Variants in NRXN3 observed in about 807,000 individuals in gnomAD.
The protein encoded by NRXN3 is neurexin III.
NRXN3 carries 32 observed loss-of-function variants against 137.6 expected under a neutral mutation model. That is an observed-to-expected ratio of 0.23 (90% CI 0.18 to 0.31). NRXN3 has a LOEUF of 0.31. Among genes scored for constraint, NRXN3 ranks in the 10% least tolerant of loss-of-function variants. NRXN3 has a pLI of 1.00. For missense variants in NRXN3, 1,574 were observed against 2,062.5 expected (o/e 0.76, Z 4.59); for synonymous variants, 798 against 784.5 (o/e 1.02, Z -0.29).
intron 15 of NRXN3, among the ~76,000 whole-genome samples, chr14:79,360,352 A>C (rs985023719): frequency 1.3e-5 from 2 of 152,182 alleles, no homozygotes; most frequent in Non-Finnish European, 2.9e-5. Flanking sequence ...TGGTCCGCCT[A>C]CCTTGGCCTC....
At chr14:78,955,218 C>T (rs1405719910) in intron 10 of NRXN3, among the ~76,000 whole-genome samples, 2 of 152,114 alleles carry the variant, frequency 1.3e-5, no homozygotes, top group African/African-American at 4.8e-5. Context: ...AGGATAAAAA[C>T]ATAAAAAAAC....
chr14:79,448,621 G>C (rs536543881), intron 15 of NRXN3, among the ~76,000 whole-genome samples: 1 of 152,138 alleles, frequency 6.6e-6, no homozygotes, highest in African/African-American at 2.4e-5. Flanking sequence ...AGTGTGTGTA[G>C]CCATCCATAC....
intron 15 of NRXN3, among the ~76,000 whole-genome samples, chr14:79,022,086 TTTA>T (rs1046822231): frequency 2.6e-5 from 4 of 152,216 alleles, no homozygotes; most frequent in Non-Finnish European, 5.9e-5. Flanking sequence ...TTTTTCTTCT[TTTA>T]TTACTATAGG....
intron 15 of NRXN3, among the ~76,000 whole-genome samples, chr14:79,219,496 C>T (rs1331940842): frequency 1.3e-5 from 2 of 152,122 alleles, no homozygotes; most frequent in Non-Finnish European, 2.9e-5. Context: ...AGATCTGGCT[C>T]TGTCATTAGC....
chr14:79,629,029 G>C (rs1335604081), intron 16 of NRXN3, among the ~76,000 whole-genome samples: 1 of 152,136 alleles, frequency 6.6e-6, no homozygotes, highest in East Asian at 1.9e-4. Context: ...AATGGGCAGT[G>C]GTTCTCTAGT....
chr14:78,481,084 A>C (rs960829647), intron 4 of NRXN3, among the ~76,000 whole-genome samples: 7 of 152,206 alleles, frequency 4.6e-5, no homozygotes, highest in African/African-American at 1.7e-4. Context: ...TTAGTAAAGA[A>C]TAAAAACCTA....
At position 78,944,096 on chromosome 14, in the gene NRXN3, G is replaced by A. The variant is rs190471; in HGVS notation, c.2276-13146G>A. ...TGGCCAAATCTCTGGAATTTCAGAAGCATCAACTTTGGGAAACGGAATTTG... is the reference window on the plus strand; with the variant it reads ...TGGCCAAATCTCTGGAATTTCAGAAACATCAACTTTGGGAAACGGAATTTG... On this transcript the variant is annotated intron_variant, in intron 10 of 20. Transcript: ENST00000335750. 6.6e-4 allele frequency among the ~76,000 whole-genome samples: 101 copies of A among 152,218 alleles called. 1 individual carries two copies. The East Asian group carries it at 0.01, about 16-fold the overall frequency.
chr14:78,212,679 C>T (rs1365197995), intron 1 of NRXN3, among the ~76,000 whole-genome samples: 1 of 152,172 alleles, frequency 6.6e-6, no homozygotes, highest in Non-Finnish European at 1.5e-5. Context: ...TCTTTCCTTA[C>T]TATCTGATCA....
chr14:79,520,180 T>C (rs2097049312), intron 16 of NRXN3, among the ~76,000 whole-genome samples: 1 of 152,202 alleles, frequency 6.6e-6, no homozygotes, highest in South Asian at 2.1e-4. Context: ...AATACCACTT[T>C]CTCTGATTTT....
In NRXN3 at chr14:79,545,676, TTTG is replaced by T. The variant is rs543083593; in HGVS notation, c.3444+78286_3444+78288del. ...TGTATTCGGAGGGCTTGTTTTTTTT[TTTG>T]TTGTTGTTGTTTTTTCACCAGGAAA... On this transcript the variant is annotated intron_variant, in intron 16 of 20. Transcript: ENST00000335750. Among the ~76,000 whole-genome samples the T allele has an allele frequency of 4.6e-5, 7 of 151,854 alleles. No homozygotes were observed. In the South Asian group the frequency reaches 6.2e-4, roughly 14 times the overall value.
intron 15 of NRXN3, among the ~76,000 whole-genome samples, chr14:79,058,082 A>G (rs1455802981): frequency 6.6e-6 from 1 of 152,078 alleles, no homozygotes; most frequent in Non-Finnish European, 1.5e-5. Context: ...CTTATGCCTG[A>G]TGCCTCTACA....
intron 1 of NRXN3, among the ~76,000 whole-genome samples, chr14:78,213,156 C>G (rs1248367708): frequency 6.6e-6 from 1 of 152,114 alleles, no homozygotes; most frequent in Non-Finnish European, 1.5e-5. Flanking sequence ...AAGCCTAGGC[C>G]TTGGGTAGCA....
At chr14:79,801,308 G>A (rs2099179456) in intron 19 of NRXN3, among the ~76,000 whole-genome samples, 4 of 152,162 alleles carry the variant, frequency 2.6e-5, no homozygotes, top group Non-Finnish European at 5.9e-5. Flanking sequence ...CCTCATGGCA[G>A]GTGCAACCAG....
intron 16 of NRXN3, among the ~76,000 whole-genome samples, chr14:79,519,192 C>CT (rs200436162): frequency 6.6e-6 from 1 of 151,634 alleles, no homozygotes; most frequent in South Asian, 2.1e-4. Context: ...TCTCTATCTC[C>CT]CAAGTTTTCA....
intron 15 of NRXN3, among the ~76,000 whole-genome samples, chr14:79,243,595 A>G (rs1055053327): frequency 6.6e-6 from 1 of 152,136 alleles, no homozygotes; most frequent in South Asian, 2.1e-4. Context: ...TAGTTATGCA[A>G]AATCATAGTG....
chr14:79,167,936 GTTT>G (rs59584874), intron 15 of NRXN3, among the ~76,000 whole-genome samples: 4 of 133,886 alleles, frequency 3.0e-5, no homozygotes, highest in Admixed American at 1.5e-4. Flanking sequence ...TTCTTTCCTT[GTTT>G]TTTTTTTTTT....
At position 79,405,541 on chromosome 14, in the gene NRXN3, A is replaced by G. The variant is rs184501683; in HGVS notation, c.3263-61680A>G. Among the ~76,000 whole-genome samples, 165 of 152,280 alleles carry G rather than the reference A, an allele frequency of 1.1e-3. 1 individual carries two copies. Among genetic ancestry groups the G allele is most frequent in the Non-Finnish European group, 1.9e-3 (131 of 68,018 alleles). On this transcript the variant is annotated intron_variant, in intron 15 of 20. Transcript: ENST00000335750. ...ATTTGTAAATAAATCATCACTTCTC[A>G]GGCATGAAGGCTGAGAGACTGATAC...
chr14:79,376,056 AAT>A (rs1393950869), intron 15 of NRXN3, among the ~76,000 whole-genome samples: 2 of 127,542 alleles, frequency 1.6e-5, no homozygotes, highest in Admixed American at 1.6e-4. Flanking sequence ...ATATGTAAGT[AAT>A]ATATATCTCT....
chr14:79,509,858 T>C (rs980476410), intron 16 of NRXN3, among the ~76,000 whole-genome samples: 11 of 152,150 alleles, frequency 7.2e-5, no homozygotes, highest in African/African-American at 2.7e-4. Context: ...TCTCTGCTAC[T>C]CAATGAACTG....
Sources: allele counts gnomAD v4.1 joint callset (sites outside exome capture counted in the v4.1 genomes callset), GRCh38; gene constraint gnomAD v4.1.1; transcripts MANE v1.5; gene names NCBI Gene and HGNC (gene_info 2026-07-23, HGNC 2026-07-21).